LOC400499: variants seen among roughly 807,000 people sequenced by gnomAD.
the LOC400499 span, chr16:11,500,724 G>T: frequency 7.5e-6 from 3 of 397,994 alleles, no homozygotes; most frequent in South Asian, 1.3e-4. Flanking sequence ...CAAAAGAACT[G>T]ATCACCTCCC....
chr16:11,507,447 G>A, the LOC400499 span, among the ~76,000 whole-genome samples: 3 of 152,204 alleles, frequency 2.0e-5, no homozygotes, highest in Non-Finnish European at 2.9e-5. Context: ...CATGCTGCCT[G>A]GGTTAACAGC....
At chr16:11,481,764 C>G in the LOC400499 span, among the ~76,000 whole-genome samples, 609 of 152,232 alleles carry the variant, frequency 4.0e-3, 2 homozygotes, top group African/African-American at 0.014. Context: ...TCCAGAATAT[C>G]TGGTATTACA....
At chr16:11,397,510 T>G in the LOC400499 span, among the ~76,000 whole-genome samples, 1 of 152,124 alleles carries the variant, frequency 6.6e-6, no homozygotes, top group African/African-American at 2.4e-5. Flanking sequence ...CCTGACCTCG[T>G]GATCTGCCTG....
At chr16:11,497,626 G>T in the LOC400499 span, among the ~76,000 whole-genome samples, 1 of 152,202 alleles carries the variant, frequency 6.6e-6, no homozygotes, top group Non-Finnish European at 1.5e-5. Context: ...AGAGAGCCCA[G>T]ATCTGTGAGC....
At chr16:11,480,726 A>G in the LOC400499 span, among the ~76,000 whole-genome samples, 1 of 152,236 alleles carries the variant, frequency 6.6e-6, no homozygotes, top group East Asian at 1.9e-4. Flanking sequence ...TCCCTAAGAA[A>G]GCAGGCCCAA....
the LOC400499 span, among the ~76,000 whole-genome samples, chr16:11,495,596 T>G: frequency 6.6e-6 from 1 of 152,124 alleles, no homozygotes; most frequent in Admixed American, 6.6e-5. Flanking sequence ...GCCAGGCTGG[T>G]GGTGAACCCC....
At chr16:11,482,228 G>C in the LOC400499 span, among the ~76,000 whole-genome samples, 1 of 152,160 alleles carries the variant, frequency 6.6e-6, no homozygotes, top group African/African-American at 2.4e-5. Flanking sequence ...CCTGCCTGGA[G>C]ACAGTGTCCA....
chr16:11,410,340 G>C, the LOC400499 span, among the ~76,000 whole-genome samples: 1 of 152,192 alleles, frequency 6.6e-6, no homozygotes, highest in Non-Finnish European at 1.5e-5. Flanking sequence ...TGTCATTCCA[G>C]CTACTCAGGA....
the LOC400499 span, among the ~76,000 whole-genome samples, chr16:11,524,358 C>G: frequency 1.9e-5 from 2 of 105,904 alleles, no homozygotes; most frequent in Non-Finnish European, 3.6e-5. Flanking sequence ...ATCCATCCAC[C>G]CAGCCACCCA....
At chr16:11,462,644 A>G in the LOC400499 span, among the ~76,000 whole-genome samples, 95 of 152,234 alleles carry the variant, frequency 6.2e-4, no homozygotes, top group African/African-American at 2.2e-3. Context: ...GCTGGTCTCA[A>G]GGTCCTGAGC....
chr16:11,520,817 T>C, the LOC400499 span, among the ~76,000 whole-genome samples: 1 of 152,176 alleles, frequency 6.6e-6, no homozygotes, highest in Admixed American at 6.5e-5. Flanking sequence ...TTTTGAAGAT[T>C]TGTGATTTTT....
chr16:11,495,398 T>G, the LOC400499 span, among the ~76,000 whole-genome samples: 1 of 147,982 alleles, frequency 6.8e-6, no homozygotes, highest in African/African-American at 2.5e-5. Context: ...TTTTTTTTTT[T>G]AAGATGGAGT....
chr16:11,511,237 T>A, the LOC400499 span, among the ~76,000 whole-genome samples: 1 of 152,144 alleles, frequency 6.6e-6, no homozygotes, highest in African/African-American at 2.4e-5. Context: ...GCTCAAGCAA[T>A]CTGCTCACTT....
At chr16:11,418,575 T>A in the LOC400499 span, among the ~76,000 whole-genome samples, 2,496 of 152,280 alleles carry the variant, frequency 0.016, 73 homozygotes, top group African/African-American at 0.056. Context: ...TTGTTTAGCA[T>A]ATCATCAAGA....
chr16:11,416,007 G>C, the LOC400499 span, among the ~76,000 whole-genome samples: 1 of 151,576 alleles, frequency 6.6e-6, no homozygotes, highest in Non-Finnish European at 1.5e-5. Flanking sequence ...CCAGGCTGGA[G>C]TGCTGTGGCG....
At chr16:11,379,123 C>T in the LOC400499 span, among the ~76,000 whole-genome samples, 3 of 152,196 alleles carry the variant, frequency 2.0e-5, no homozygotes, top group South Asian at 6.2e-4. Context: ...GTCGTGGTGG[C>T]ATACGCCTGT....
chr16:11,518,981 A>G, the LOC400499 span: 23 of 398,830 alleles, frequency 5.8e-5, no homozygotes, highest in African/African-American at 8.2e-5. Context: ...CTGAAGCACA[A>G]AGCACCGTGA....
the LOC400499 span, among the ~76,000 whole-genome samples, chr16:11,427,006 C>CAA: frequency 4.7e-5 from 7 of 149,134 alleles, 1 homozygote; most frequent in South Asian, 2.1e-4. Context: ...AATAAATGGG[C>CAA]AAAAAAAAAT....
the LOC400499 span, chr16:11,391,759 A>T: frequency 8.1e-7 from 1 of 1,232,130 alleles, no homozygotes; most frequent in Non-Finnish European, 1.0e-6. Context: ...CGGGCCCACA[A>T]AGTGGCTACT....
Sources: allele counts gnomAD v4.1 joint callset (sites outside exome capture counted in the v4.1 genomes callset), GRCh38; gene constraint gnomAD v4.1.1; transcripts MANE v1.5.